ADAMTS16: variants seen among roughly 807,000 people sequenced by gnomAD.
ADAMTS16 encodes the protein ADAM metallopeptidase with thrombospondin type 1 motif 16, also known as A disintegrin and metalloproteinase with thrombospondin motifs 16.
A neutral mutation model predicts 145.8 loss-of-function variants in ADAMTS16; 94 were observed. The observed-to-expected ratio is 0.64, with a 90% confidence interval of 0.55 to 0.77. ADAMTS16 has a LOEUF of 0.77. ADAMTS16 is among the 30% of genes least tolerant of loss of function. ADAMTS16 has a pLI of 0.00. For missense variants in ADAMTS16, 1,585 were observed against 1,591.5 expected, an observed-to-expected ratio of 1.00 and a Z score of 0.07; for synonymous variants, 659 against 604.3, an observed-to-expected ratio of 1.09 and a Z score of -1.33.
At chr5:5,306,324 T>C (rs760963906) in intron 20 of ADAMTS16, among the ~76,000 whole-genome samples, 180 bp from the exon 21 acceptor site, 1 of 152,192 alleles carries the variant, frequency 6.6e-6, no homozygotes, top group Non-Finnish European at 1.5e-5. Context: ...TGACTTCAAG[T>C]TCCTCTTATT....
At position 5,252,051 on chromosome 5, in the gene ADAMTS16, G is replaced by A. The variant is rs1021056776; in HGVS notation, c.2662+9860G>A. ...TTTTTAGTAGAGACGGGGTTTCACC[G>A]TGTTAGCCAGGATGGTCTTGATCTC... On this transcript the variant is annotated intron_variant, in intron 17 of 22. Transcript: ENST00000274181. 3.9e-5 allele frequency among the ~76,000 whole-genome samples: 6 copies of A among 152,242 alleles called. No homozygotes were observed. The East Asian group carries it at 5.8e-4, about 15-fold the overall frequency.
At chr5:5,227,821 T>A (rs2126359367) in intron 11 of ADAMTS16, among the ~76,000 whole-genome samples, 1 of 152,298 alleles carries the variant, frequency 6.6e-6, no homozygotes, top group South Asian at 2.1e-4. Context: ...GCAACAGTCA[T>A]TATCACAGCA....
chr5:5,188,834 G>A (rs898747649), intron 6 of ADAMTS16, among the ~76,000 whole-genome samples: 5 of 152,092 alleles, frequency 3.3e-5, no homozygotes, highest in Admixed American at 2.6e-4. Context: ...CAGTTGGGGA[G>A]GGGGTTGCTG....
chr5:5,288,068 A>G (rs146084167), intron 18 of ADAMTS16, among the ~76,000 whole-genome samples: 69 of 152,316 alleles, frequency 4.5e-4, no homozygotes, highest in Non-Finnish European at 6.8e-4. Context: ...GCCCGAAACT[A>G]GAGGAGGAAG....
At chr5:5,231,714 G>A (rs1736929482) in intron 11 of ADAMTS16, among the ~76,000 whole-genome samples, 2 of 152,292 alleles carry the variant, frequency 1.3e-5, no homozygotes, top group South Asian at 4.1e-4. Context: ...TTTGCCATGC[G>A]GAATTTAGCA....
intron 3 of ADAMTS16, among the ~76,000 whole-genome samples, chr5:5,180,149 C>A (rs1735300573): frequency 6.6e-6 from 1 of 152,086 alleles, no homozygotes; most frequent in Non-Finnish European, 1.5e-5. Context: ...CCAGGCTCCC[C>A]ACATCAGAGG....
chr5:5,304,550 C>T (rs1324211123), intron 20 of ADAMTS16, among the ~76,000 whole-genome samples: 1 of 152,074 alleles, frequency 6.6e-6, no homozygotes, highest in Non-Finnish European at 1.5e-5. Flanking sequence ...GGGAAGAAAG[C>T]TCCTCCCTGA....
chr5:5,262,892 T>C, intron 18 of ADAMTS16, 109 bp downstream of exon 18: 1 of 1,491,634 alleles, frequency 6.7e-7, no homozygotes, highest in Non-Finnish European at 9.1e-7. Context: ...ATCATGTCAC[T>C]CATAACAGTG....
At chr5:5,173,913 A>G (rs1224630980) in intron 3 of ADAMTS16, among the ~76,000 whole-genome samples, 1 of 152,194 alleles carries the variant, frequency 6.6e-6, no homozygotes, top group Non-Finnish European at 1.5e-5. Flanking sequence ...TTTCTCAAAA[A>G]GTTGCTGTAG....
chr5:5,174,457 G>T (rs544721453), intron 3 of ADAMTS16, among the ~76,000 whole-genome samples: 1 of 151,856 alleles, frequency 6.6e-6, no homozygotes, highest in South Asian at 2.1e-4. Flanking sequence ...TCTGTTTGAT[G>T]TTCTATAACC....
chr5:5,242,027 A>C, intron 16 of ADAMTS16, 26 bp from the exon 17 acceptor site: 9 of 1,612,432 alleles, frequency 5.6e-6, no homozygotes, highest in African/African-American at 2.7e-5. Context: ...AATTTGTTTT[A>C]TTTTTTCCCC....
intron 8 of ADAMTS16, among the ~76,000 whole-genome samples, chr5:5,192,535 G>A (rs1236315719): frequency 6.6e-6 from 1 of 152,142 alleles, no homozygotes; most frequent in African/African-American, 2.4e-5. Flanking sequence ...GTACTGACAA[G>A]AGATCAGGCA....
intron 8 of ADAMTS16, among the ~76,000 whole-genome samples, chr5:5,192,545 A>G (rs1735692006): frequency 6.6e-6 from 1 of 152,152 alleles, no homozygotes; most frequent in Non-Finnish European, 1.5e-5. Context: ...GAGATCAGGC[A>G]GGCCTCTAGG....
Position 5,269,635 on chromosome 5 carries a change from G to A in ADAMTS16, c.2789+6852G>A, listed in dbSNP as rs1738389844. On this transcript the variant is annotated intron_variant, in intron 18 of 22. Coordinates refer to ENST00000274181, the MANE Select transcript of ADAMTS16 (RefSeq NM_139056.4). This position sits in a 1 kb window ranked among gnomAD's most constrained non-coding sequence, Gnocchi z 4.3. ...CATCACAAAGGGCAGATGGTCCCGA[G>A]CCTCTAGAGGAGCCTTTGGAAGTTA... Among the ~76,000 whole-genome samples the A allele has an allele frequency of 6.6e-6, 1 of 152,140 alleles. No individual in the cohort carries two copies. Among genetic ancestry groups the A allele is most frequent in the Non-Finnish European group, 1.5e-5 (1 of 68,036 alleles).
At chr5:5,274,391 C>T (rs1184465353) in intron 18 of ADAMTS16, among the ~76,000 whole-genome samples, 3 of 152,166 alleles carry the variant, frequency 2.0e-5, no homozygotes, top group Non-Finnish European at 4.4e-5. Context: ...CCCTGGCAAC[C>T]GCTGCCCTAT....
chr5:5,151,026 T>C (rs902819050), intron 3 of ADAMTS16, among the ~76,000 whole-genome samples: 10 of 152,144 alleles, frequency 6.6e-5, no homozygotes, highest in Admixed American at 2.6e-4. Context: ...CTCTGTCTTC[T>C]TCGTTTATCT....
intron 3 of ADAMTS16, among the ~76,000 whole-genome samples, chr5:5,159,137 T>C (rs968065125): frequency 4.6e-5 from 7 of 152,202 alleles, no homozygotes; most frequent in African/African-American, 1.4e-4. Flanking sequence ...TCAGAGAACC[T>C]ACAATTGAAG....
Position 5,239,244 on chromosome 5 carries a change from G to T in ADAMTS16, c.2248G>T (p.Gly750Cys). Reference protein sequence around the residue: ...GNNSACTIHRGLYTKHHHTNQ... With the variant: ...GNNSACTIHRCLYTKHHHTNQ... ...TAACTCAGCCTGCACGATTCACAGG[G>T]GTCTCTACACCAAGCACCACCACAC... Residue 750 changes from glycine to cysteine, a missense_variant, in exon 15 of 23, where the codon GGT (glycine) becomes TGT (cysteine). Physicochemically the swap from Gly to Cys is radical, Grantham distance 159. This residue lies in a region of ADAMTS16 where 834 missense variants were observed against 811.7 expected (regional missense o/e 1.03). Transcript: ENST00000274181. 6.3e-7 allele frequency: 1 copy of T among 1,596,534 alleles called. No individual in the cohort carries two copies. Among genetic ancestry groups the T allele is most frequent in the Non-Finnish European group, 8.5e-7 (1 of 1,172,956 alleles).
rs75945192 is a variant in ADAMTS16, at chr5:5,178,911, G to T, written c.502-3133G>T. On this transcript the variant is annotated intron_variant, in intron 3 of 22. Transcript: ENST00000274181. ...AAATTGTGTTTGGGATGATTGTGGT[G>T]CTGGGTGCACCAACACTCAGGGCTT... Among the ~76,000 whole-genome samples the T allele has an allele frequency of 6.5e-3, 988 of 152,114 alleles. 9 individuals are homozygous for T. The highest frequency in any genetic ancestry group is 0.023 in the African/African-American group (956 of 41,486).
Sources: allele counts gnomAD v4.1 joint callset (sites outside exome capture counted in the v4.1 genomes callset), GRCh38; gene constraint gnomAD v4.1.1; regional missense constraint gnomAD v4.1.1; non-coding constraint Gnocchi (gnomAD v3.1); transcripts MANE v1.5; gene names NCBI Gene and HGNC (gene_info 2026-07-23, HGNC 2026-07-21).